TPD52L2: variants seen among roughly 807,000 people sequenced by gnomAD.
TPD52L2 encodes the protein TPD52 like 2.
In TPD52L2, 19 loss-of-function variants were observed where a neutral mutation model predicts 24.7. The ratio of observed to expected loss-of-function variants is 0.77; its 90% CI spans 0.54 to 1.13. TPD52L2 has a LOEUF of 1.13. TPD52L2 is among the 50% of genes most tolerant of loss of function. The probability of loss-of-function intolerance (pLI) is 0.00; values close to 1 mark genes in which losing one functional copy is unlikely to be tolerated. For missense variants in TPD52L2, 236 were observed against 250.4 expected (o/e 0.94, Z 0.39); for synonymous variants, 104 against 100.2 (o/e 1.04, Z -0.23).
chr20:63,888,337 G>A (rs890089157), intron 5 of TPD52L2: 1 of 152,722 alleles, frequency 6.5e-6, no homozygotes, highest in Non-Finnish European at 1.5e-5. Context: ...GCTTCTCTGA[G>A]AGATGTGCAT....
chr20:63,873,652 A>G lies in TPD52L2; in HGVS notation c.166-16A>G, dbSNP rs779357452. 8 of 1,610,818 alleles carry G rather than the reference A, an allele frequency of 5.0e-6. No homozygotes were observed. The African/African-American group carries it at 5.4e-5, about 11-fold the overall frequency. ...GCAGTAGTGATGGCTCATCATGTCA[A>G]CTGCATGCTTTGCAGGTGGAAGAGG... On this transcript the variant is annotated splice_polypyrimidine_tract_variant and intron_variant, in intron 2 of 6. Coordinates refer to ENST00000346249, the MANE Select transcript of TPD52L2 (RefSeq NM_003288.4).
intron 1 of TPD52L2, among the ~76,000 whole-genome samples, chr20:63,865,682 C>T (rs2052192082): frequency 6.6e-6 from 1 of 151,846 alleles, no homozygotes; most frequent in African/African-American, 2.4e-5. Flanking sequence ...TGGGTTCTGT[C>T]GCTCCCAGCA....
intron 1 of TPD52L2, among the ~76,000 whole-genome samples, chr20:63,867,617 T>C (rs2052302489): frequency 6.6e-6 from 1 of 151,672 alleles, no homozygotes; most frequent in South Asian, 2.1e-4. Context: ...CTTCGTTTAG[T>C]AAGCGTTTGT....
intron 4 of TPD52L2, among the ~76,000 whole-genome samples, chr20:63,879,434 C>T (rs1006485784): frequency 6.6e-6 from 1 of 151,974 alleles, no homozygotes. Context: ...AGGTCACGCT[C>T]AGGACCCGCA....
Position 63,873,731 on chromosome 20 carries a change from C to T in TPD52L2, c.229C>T (p.Leu77Phe). Residue 77 changes from leucine (L) to phenylalanine (F), a missense_variant, in exon 3 of 7, where the codon CTC becomes TTC. Leu to Phe is a conservative substitution (Grantham distance 22). Transcript: ENST00000346249. ...AGCCAAGGAGAGGCACTGTGGAGAG[C>T]TCAAGAGGAGGCTGGGCCTCTCCAC... ...LAAKERHCGE[L>F]KRRLGLSTLG... is the part of the protein sequence containing the mutation. 1.2e-6 allele frequency: 2 copies of T among 1,610,160 alleles called. No individual in the cohort carries two copies. Among genetic ancestry groups the T allele is most frequent in the South Asian group, 1.1e-5 (1 of 90,398 alleles).
chr20:63,890,064 G>T lies in TPD52L2; in HGVS notation c.*119G>T. ...ATGAGCAGAGCCGGCCCTGAGGACAGTCCTGCCCATCCACGCGGAGATGTG... is the reference window on the plus strand; with the variant it reads ...ATGAGCAGAGCCGGCCCTGAGGACATTCCTGCCCATCCACGCGGAGATGTG... On this transcript the variant is annotated 3_prime_UTR_variant, in exon 7 of 7. Coordinates refer to ENST00000346249, the MANE Select transcript of TPD52L2 (RefSeq NM_003288.4). 6.5e-7 allele frequency: 1 copy of T among 1,535,404 alleles called. No homozygotes were observed. Among genetic ancestry groups the T allele is most frequent in the South Asian group, 1.2e-5 (1 of 85,350 alleles).
chr20:63,865,566 C>T (rs1219769446), intron 1 of TPD52L2, among the ~76,000 whole-genome samples, 182 bp downstream of exon 1: 1 of 152,158 alleles, frequency 6.6e-6, no homozygotes, highest in Non-Finnish European at 1.5e-5. Flanking sequence ...GTGTTTTTTG[C>T]CCGCGGCCCA....
rs999992870 is a variant in TPD52L2, at chr20:63,886,252, C to T, written c.477-2938C>T. ...GACGCAGAGGCCCCCCGGAACCCCCCGGCCCTTCTGTGTCCCCTCCTCGTG... is the reference window on the plus strand; with the variant it reads ...GACGCAGAGGCCCCCCGGAACCCCCTGGCCCTTCTGTGTCCCCTCCTCGTG... On this transcript the variant is annotated intron_variant, in intron 5 of 6. Transcript: ENST00000346249. 3.9e-5 allele frequency among the ~76,000 whole-genome samples: 6 copies of T among 152,274 alleles called. No individual in the cohort carries two copies. The South Asian group carries it at 6.2e-4, about 16-fold the overall frequency.
intron 5 of TPD52L2, chr20:63,887,849 G>A (rs1356136187): frequency 8.8e-6 from 5 of 567,594 alleles, no homozygotes; most frequent in Non-Finnish European, 1.3e-5. Context: ...AAACTGGGCC[G>A]TGTCCTTTCC....
intron 3 of TPD52L2, 101 bp downstream of exon 3, chr20:63,873,917 C>A: frequency 7.4e-7 from 1 of 1,342,780 alleles, no homozygotes; most frequent in Non-Finnish European, 9.8e-7. Context: ...GGACGAGTTG[C>A]AGCCGTGGAG....
At chr20:63,873,093 C>G (rs921369462) in intron 2 of TPD52L2, among the ~76,000 whole-genome samples, 4 of 152,010 alleles carry the variant, frequency 2.6e-5, no homozygotes, top group Non-Finnish European at 5.9e-5. Context: ...GGCCATTCCT[C>G]ATGACCACAA....
chr20:63,870,722 GTT>G (rs550015438), intron 2 of TPD52L2, among the ~76,000 whole-genome samples: 5 of 109,290 alleles, frequency 4.6e-5, no homozygotes, highest in Admixed American at 9.0e-5. Context: ...GATGGGGTTT[GTT>G]TTTTTTTTTT....
intron 4 of TPD52L2, 22 bp downstream of exon 4, chr20:63,875,897 ACCTCCTCCTT>A: frequency 6.2e-7 from 1 of 1,612,096 alleles, no homozygotes; most frequent in Non-Finnish European, 8.5e-7. Context: ...TATCATCAGC[ACCTCCTCCTT>A]CCTCCTCTCC....
Position 63,871,616 on chromosome 20 carries a change from C to T in TPD52L2, c.166-2052C>T, listed in dbSNP as rs542201523. 3.3e-5 allele frequency among the ~76,000 whole-genome samples: 5 copies of T among 151,378 alleles called. No individual in the cohort carries two copies. The South Asian group carries it at 1.0e-3, about 32-fold the overall frequency. The stretch of plus-strand genomic sequence containing the variant: ...CTGCCTGCCTCAGCCTCCCATAGTG[C>T]TGGGATTACACGCAAGAAAGAGTTT... On this transcript the variant is annotated intron_variant, in intron 2 of 6. Transcript: ENST00000346249.
At chr20:63,866,404 C>T (rs1356127206) in intron 1 of TPD52L2, among the ~76,000 whole-genome samples, 1 of 149,536 alleles carries the variant, frequency 6.7e-6, no homozygotes, top group Admixed American at 6.6e-5. Flanking sequence ...TGCCCGGCTA[C>T]ATATTAAGCT....
intron 1 of TPD52L2, among the ~76,000 whole-genome samples, chr20:63,867,269 T>A (rs903386484): frequency 1.1e-4 from 17 of 152,250 alleles, no homozygotes; most frequent in Middle Eastern, 3.4e-3. Context: ...TGTCTTTTTT[T>A]AAATAGAACA....
At chr20:63,888,618 A>G (rs2053219204) in intron 5 of TPD52L2, 1 of 133,352 alleles carries the variant, frequency 7.5e-6, no homozygotes, top group African/African-American at 2.9e-5. Context: ...CAGACTTTTC[A>G]TAACCTCAGT....
At chr20:63,865,904 C>T (rs879944666) in intron 1 of TPD52L2, among the ~76,000 whole-genome samples, 1 of 152,140 alleles carries the variant, frequency 6.6e-6, no homozygotes, top group Non-Finnish European at 1.5e-5. Flanking sequence ...TAGGGGTTGC[C>T]TCATGGAGAG....
intron 4 of TPD52L2, among the ~76,000 whole-genome samples, chr20:63,879,290 C>A (rs1408727216): frequency 4.6e-5 from 7 of 152,160 alleles, no homozygotes; most frequent in Admixed American, 1.3e-4. Context: ...GGCTGTGGGG[C>A]CCCCAGGGGC....
Sources: allele counts gnomAD v4.1 joint callset (sites outside exome capture counted in the v4.1 genomes callset), GRCh38; gene constraint gnomAD v4.1.1; transcripts MANE v1.5; gene names NCBI Gene and HGNC (gene_info 2026-07-23, HGNC 2026-07-21).